The following OR9Q1 variants were observed in gnomAD, a reference collection of about 807,000 sequenced individuals.
OR9Q1 encodes olfactory receptor family 9 subfamily Q member 1.
For missense variants in OR9Q1, 374 were observed against 378.8 expected, an observed-to-expected ratio of 0.99 and a Z score of 0.11; for synonymous variants, 153 against 148.6, an observed-to-expected ratio of 1.03 and a Z score of -0.22.
chr11:58,173,976 G>A (rs115910102), intron 2 of OR9Q1, among the ~76,000 whole-genome samples: 119 of 152,262 alleles, frequency 7.8e-4, no homozygotes, highest in Middle Eastern at 3.4e-3. Flanking sequence ...AAGTTTACAG[G>A]TCGGGGTTTG....
intron 2 of OR9Q1, among the ~76,000 whole-genome samples, chr11:58,143,815 A>G (rs193222162): frequency 3.3e-5 from 5 of 152,266 alleles, no homozygotes; most frequent in South Asian, 2.1e-4. Flanking sequence ...ACATTTACCT[A>G]TGTAACAAGC....
At chr11:58,141,715 A>G (rs893178359) in intron 2 of OR9Q1, among the ~76,000 whole-genome samples, 1 of 152,172 alleles carries the variant, frequency 6.6e-6, no homozygotes, top group African/African-American at 2.4e-5. Context: ...CTTGAGGTCA[A>G]GTAACTTGTA....
At chr11:58,130,954 ATC>A (rs1458361413) in intron 2 of OR9Q1, among the ~76,000 whole-genome samples, 1 of 152,200 alleles carries the variant, frequency 6.6e-6, no homozygotes, top group Non-Finnish European at 1.5e-5. Flanking sequence ...ATCTATAAAA[ATC>A]TATAATCATG....
chr11:58,027,409 C>T (rs879774168), intron 1 of OR9Q1, among the ~76,000 whole-genome samples: 1 of 152,156 alleles, frequency 6.6e-6, no homozygotes, highest in Non-Finnish European at 1.5e-5. Flanking sequence ...GGTCCAAATC[C>T]AGCTTGTAGC....
At chr11:58,025,790 C>T (rs181570200) in intron 1 of OR9Q1, among the ~76,000 whole-genome samples, 1 of 152,144 alleles carries the variant, frequency 6.6e-6, no homozygotes, top group Non-Finnish European at 1.5e-5. Context: ...GCCTTAACCA[C>T]TGTGCTCTCC....
chr11:58,103,108 G>A lies in OR9Q1; in HGVS notation c.-15+47161G>A, dbSNP rs534421375. Among the ~76,000 whole-genome samples the A allele has an allele frequency of 1.8e-4, 28 of 152,168 alleles. 1 individual carries two copies. In the South Asian group the frequency reaches 5.8e-3, roughly 32 times the overall value. Reference sequence around the variant, plus strand: ...GACTGGATAATTTATAAGGGAAAGAGGTTTAATTGACTCACAGTTCCACAG... The same window carrying A: ...GACTGGATAATTTATAAGGGAAAGAAGTTTAATTGACTCACAGTTCCACAG... On this transcript the variant is annotated intron_variant, in intron 2 of 2. Coordinates refer to ENST00000335397, the MANE Select transcript of OR9Q1 (RefSeq NM_001005212.4).
intron 2 of OR9Q1, among the ~76,000 whole-genome samples, chr11:58,153,524 C>G (rs1452620254): frequency 2.0e-5 from 3 of 151,060 alleles, no homozygotes; most frequent in Non-Finnish European, 4.4e-5. Context: ...CCTCTCAGCT[C>G]TAACCAAGAG....
At position 58,177,821 on chromosome 11, in the gene OR9Q1, A is replaced by G. The variant is rs547629826; in HGVS notation, c.-14-1610A>G. Among the ~76,000 whole-genome samples the G allele has an allele frequency of 1.8e-3, 277 of 152,356 alleles. 1 individual carries two copies. Among genetic ancestry groups the G allele is most frequent in the African/African-American group, 6.3e-3 (262 of 41,584 alleles). On this transcript the variant is annotated intron_variant, in intron 2 of 2. Transcript: ENST00000335397. ...TGGTAACTTTATTCCATGAGAAAATATTAAACCTTTACCATGTGCTGAGCT... is the reference window on the plus strand; with the variant it reads ...TGGTAACTTTATTCCATGAGAAAATGTTAAACCTTTACCATGTGCTGAGCT...
rs74666080 is a variant in OR9Q1, at chr11:58,113,907, C to T, written c.-15+57960C>T. 9.2e-5 allele frequency among the ~76,000 whole-genome samples: 14 copies of T among 152,180 alleles called. No homozygotes were observed. The East Asian group carries it at 2.7e-3, about 29-fold the overall frequency. On this transcript the variant is annotated intron_variant, in intron 2 of 2. Coordinates refer to ENST00000335397, the MANE Select transcript of OR9Q1 (RefSeq NM_001005212.4). ...AATATAATTATAGAATTTACATTAC[C>T]TCATAGGGAAAGAGCTGGTCCTTGT...
chr11:58,113,157 G>T (rs1853918511), intron 2 of OR9Q1, among the ~76,000 whole-genome samples: 1 of 152,106 alleles, frequency 6.6e-6, no homozygotes, highest in Admixed American at 6.6e-5. Context: ...AAACAATGAG[G>T]TGCTTCATTT....
At chr11:58,092,795 A>G (rs1476136910) in intron 2 of OR9Q1, among the ~76,000 whole-genome samples, 2 of 152,186 alleles carry the variant, frequency 1.3e-5, no homozygotes, top group African/African-American at 4.8e-5. Context: ...AAGACTAAAG[A>G]TTTCTAACTG....
intron 2 of OR9Q1, among the ~76,000 whole-genome samples, chr11:58,060,938 C>T (rs962543667): frequency 6.6e-6 from 1 of 152,200 alleles, no homozygotes; most frequent in African/African-American, 2.4e-5. Context: ...CATGCCAGCC[C>T]TGGGATCATC....
At chr11:58,053,609 A>AAAATATATATATAT (rs1853291450) in intron 1 of OR9Q1, among the ~76,000 whole-genome samples, 1 of 68,750 alleles carries the variant, frequency 1.5e-5, no homozygotes, top group Non-Finnish European at 2.8e-5. Context: ...AATAAAATTA[A>AAAATATATATATAT]AAAATATATA....
chr11:58,161,253 A>G (rs991995253), intron 2 of OR9Q1, among the ~76,000 whole-genome samples: 2 of 150,672 alleles, frequency 1.3e-5, no homozygotes, highest in African/African-American at 2.5e-5. Context: ...AAAAAAAAAA[A>G]AAGAAAAGAG....
chr11:58,101,654 A>G (rs1853784439), intron 2 of OR9Q1, among the ~76,000 whole-genome samples: 1 of 152,068 alleles, frequency 6.6e-6, no homozygotes, highest in African/African-American at 2.4e-5. Flanking sequence ...CCATTTATCT[A>G]TTCTTGTTTT....
intron 2 of OR9Q1, among the ~76,000 whole-genome samples, chr11:58,092,793 A>G (rs1168127524): frequency 2.0e-5 from 3 of 152,202 alleles, no homozygotes; most frequent in Non-Finnish European, 2.9e-5. Context: ...AAAAGACTAA[A>G]GATTTCTAAC....
intron 2 of OR9Q1, among the ~76,000 whole-genome samples, chr11:58,138,522 C>T (rs1400882242): frequency 6.6e-6 from 1 of 152,148 alleles, no homozygotes; most frequent in East Asian, 1.9e-4. Context: ...ATTAAAAGTA[C>T]AAAAGTAACA....
At chr11:58,033,105 A>G (rs373492957) in intron 1 of OR9Q1, among the ~76,000 whole-genome samples, 8 of 152,312 alleles carry the variant, frequency 5.3e-5, no homozygotes, top group African/African-American at 1.7e-4. Flanking sequence ...TCAAAAAATA[A>G]CAGATGTTGG....
intron 2 of OR9Q1, among the ~76,000 whole-genome samples, chr11:58,178,212 T>A (rs1854623448): frequency 6.6e-6 from 1 of 152,210 alleles, no homozygotes; most frequent in South Asian, 2.1e-4. Context: ...CAGATTACAG[T>A]AATCTATTGC....
Sources: gnomAD v4.1 joint callset for allele counts (sites outside exome capture counted in the v4.1 genomes callset) on GRCh38, gnomAD v4.1.1 for gene constraint, MANE v1.5 for transcripts, NCBI Gene and HGNC (gene_info 2026-07-23, HGNC 2026-07-21) for gene names.